FGF12: variants seen among roughly 807,000 people sequenced by gnomAD.
FGF12 encodes fibroblast growth factor 12B.
A neutral mutation model predicts 23.6 loss-of-function variants in FGF12; 14 were observed. That is an observed-to-expected ratio of 0.59 (90% CI 0.39 to 0.93). The LOEUF is 0.93. FGF12 is among the 40% of genes least tolerant of loss of function. The pLI, the probability that FGF12 is intolerant of heterozygous loss-of-function variation, is 0.00. For missense variants in FGF12, 175 were observed against 217.8 expected (o/e 0.80, Z 1.24); for synonymous variants, 62 against 77.3 (o/e 0.80, Z 1.04).
chr3:192,527,818 G>A (rs974269379), intron 2 of FGF12, among the ~76,000 whole-genome samples: 1 of 152,184 alleles, frequency 6.6e-6, no homozygotes, highest in Admixed American at 6.5e-5. Context: ...ATGGTGGAAG[G>A]TGAAAGGCAT....
chr3:192,635,559 G>T (rs1221739544), intron 2 of FGF12, among the ~76,000 whole-genome samples: 1 of 152,206 alleles, frequency 6.6e-6, no homozygotes, highest in Non-Finnish European at 1.5e-5. Flanking sequence ...ACCTAAAAGT[G>T]CTTGACCGTA....
chr3:192,656,650 C>T (rs1716439093), intron 2 of FGF12, among the ~76,000 whole-genome samples: 1 of 152,146 alleles, frequency 6.6e-6, no homozygotes, highest in Admixed American at 6.6e-5. Context: ...AAGACTTAAG[C>T]CATACATATC....
chr3:192,651,624 T>C (rs766623436), intron 2 of FGF12, among the ~76,000 whole-genome samples: 1 of 152,222 alleles, frequency 6.6e-6, no homozygotes, highest in Non-Finnish European at 1.5e-5. Context: ...TAGTTCATTA[T>C]AGAAAATATA....
chr3:192,168,332 T>A (rs1715344407), intron 5 of FGF12, among the ~76,000 whole-genome samples: 1 of 152,200 alleles, frequency 6.6e-6, no homozygotes, highest in African/African-American at 2.4e-5. Context: ...TACTTACTTC[T>A]CAGGTACCCT....
chr3:192,450,216 C>A (rs1325840541), intron 2 of FGF12, among the ~76,000 whole-genome samples: 1 of 152,132 alleles, frequency 6.6e-6, no homozygotes, highest in Non-Finnish European at 1.5e-5. Context: ...GGAAGAAACA[C>A]CTAATATAAT....
At chr3:192,412,052 G>A (rs1386812416) in intron 2 of FGF12, among the ~76,000 whole-genome samples, 1 of 152,266 alleles carries the variant, frequency 6.6e-6, no homozygotes, top group South Asian at 2.1e-4. Flanking sequence ...GTGGAAGTCT[G>A]TATGGGTAGA....
At chr3:192,255,492 A>G (rs1033569669) in intron 4 of FGF12, among the ~76,000 whole-genome samples, 3 of 152,030 alleles carry the variant, frequency 2.0e-5, no homozygotes, top group African/African-American at 7.2e-5. Context: ...AATGCACAGT[A>G]GGGATCATGT....
intron 2 of FGF12, among the ~76,000 whole-genome samples, chr3:192,629,860 T>G (rs747583007): frequency 6.6e-6 from 1 of 152,186 alleles, no homozygotes; most frequent in African/African-American, 2.4e-5. Flanking sequence ...AAGCACAATC[T>G]GCGAGGATAT....
At chr3:192,270,127 T>C (rs1170653698) in intron 4 of FGF12, among the ~76,000 whole-genome samples, 1 of 151,870 alleles carries the variant, frequency 6.6e-6, no homozygotes, top group Non-Finnish European at 1.5e-5. Context: ...TCAGTAGAAA[T>C]CTTTCACATA....
chr3:192,305,962 G>A (rs1715627122), intron 4 of FGF12, among the ~76,000 whole-genome samples: 1 of 136,400 alleles, frequency 7.3e-6, no homozygotes, highest in Admixed American at 8.1e-5. Context: ...CCAGGTTCAC[G>A]CCATTCTCCT....
intron 2 of FGF12, among the ~76,000 whole-genome samples, chr3:192,578,341 T>C (rs987105961): frequency 2.0e-5 from 3 of 152,198 alleles, no homozygotes; most frequent in South Asian, 2.1e-4. Flanking sequence ...TAAAGGAAGA[T>C]TGAGTGATTT....
chr3:192,170,576 G>T lies in FGF12; in HGVS notation c.309C>A (p.Arg103=). ...YYVIYSSTLY[R]QQESGRAWFL... ...ACCAAGCTCGGCCTGATTCTTGCTG[G>T]CGGTACAGTGTGGAAGAATAGATCA... The change falls in exon 5 of 6, where the codon CGC becomes CGA. Residue 103 remains arginine, a synonymous_variant. Transcript: ENST00000445105. The T allele has an allele frequency of 6.2e-7, 1 of 1,613,796 alleles. No individual in the cohort carries two copies. The highest frequency in any genetic ancestry group is 8.5e-7 in the Non-Finnish European group (1 of 1,179,930).
chr3:192,578,557 A>G (rs991140190), intron 2 of FGF12, among the ~76,000 whole-genome samples: 2 of 152,204 alleles, frequency 1.3e-5, no homozygotes. Flanking sequence ...TTAGATTTGT[A>G]AGTAGGAAGT....
intron 2 of FGF12, among the ~76,000 whole-genome samples, chr3:192,396,243 T>A (rs1258454260): frequency 1.3e-5 from 2 of 152,180 alleles, no homozygotes; most frequent in African/African-American, 4.8e-5. Flanking sequence ...AGTTAATAAA[T>A]CTTAATTATA....
At chr3:192,354,677 C>T (rs529808342) in intron 3 of FGF12, among the ~76,000 whole-genome samples, 2 of 152,156 alleles carry the variant, frequency 1.3e-5, no homozygotes, top group East Asian at 3.9e-4. Flanking sequence ...TTTAAGGTAA[C>T]AAAGAACCAA....
At chr3:192,690,909 G>A (rs890435988) in intron 2 of FGF12, among the ~76,000 whole-genome samples, 3 of 152,076 alleles carry the variant, frequency 2.0e-5, no homozygotes, top group South Asian at 2.1e-4. Context: ...AAAGCTAGAC[G>A]TTAAGCCAAA....
At chr3:192,558,838 C>G (rs1711897256) in intron 2 of FGF12, among the ~76,000 whole-genome samples, 1 of 151,762 alleles carries the variant, frequency 6.6e-6, no homozygotes. Flanking sequence ...AGTGCCAAGA[C>G]TACAAAATGG....
chr3:192,429,400 T>C (rs1721785009), intron 2 of FGF12, among the ~76,000 whole-genome samples: 1 of 152,188 alleles, frequency 6.6e-6, no homozygotes, highest in Non-Finnish European at 1.5e-5. Flanking sequence ...TGCAGTCCTT[T>C]CTTTCTTTTC....
At chr3:192,564,599 C>A (rs541176312) in intron 2 of FGF12, among the ~76,000 whole-genome samples, 1 of 152,250 alleles carries the variant, frequency 6.6e-6, no homozygotes, top group Admixed American at 6.5e-5. Context: ...TCTTTGGGGT[C>A]TCCACACCAT....
Sources: gnomAD v4.1 joint callset for allele counts (sites outside exome capture counted in the v4.1 genomes callset) on GRCh38, gnomAD v4.1.1 for gene constraint, MANE v1.5 for transcripts, NCBI Gene and HGNC (gene_info 2026-07-23, HGNC 2026-07-21) for gene names.